The following DCHS2 variants were observed in gnomAD, a reference collection of about 807,000 sequenced individuals.
DCHS2 encodes protocadherin-23.
DCHS2 carries 142 observed loss-of-function variants against 182.4 expected under a neutral mutation model. That is an observed-to-expected ratio of 0.78 (90% CI 0.68 to 0.89). The LOEUF (loss-of-function observed/expected upper bound fraction) is 0.89. Ranked by LOEUF, DCHS2 falls within the 40% of genes least tolerant of loss-of-function variation. DCHS2 has a pLI of 0.00. For synonymous variants in DCHS2, 1,740 were observed against 1,663.3 expected, an observed-to-expected ratio of 1.05 and a Z score of -1.12; for missense variants, 4,319 against 4,198.6, an observed-to-expected ratio of 1.03 and a Z score of -0.79.
At chr4:154,322,289 A>T in intron 8 of DCHS2, 42 bp downstream of exon 8, 5 of 1,609,354 alleles carry the variant, frequency 3.1e-6, no homozygotes, top group Non-Finnish European at 3.4e-6. Flanking sequence ...AGTCAAATGA[A>T]ATCTTTAGAT....
intron 1 of DCHS2, among the ~76,000 whole-genome samples, chr4:154,461,351 C>T (rs73854785): frequency 0.011 from 1,633 of 152,152 alleles, 25 homozygotes; most frequent in South Asian, 0.072. Context: ...ATGGATATAG[C>T]TTTTTAAAAA....
At chr4:154,482,367 A>T (rs1188460294) in intron 1 of DCHS2, among the ~76,000 whole-genome samples, 1 of 152,196 alleles carries the variant, frequency 6.6e-6, no homozygotes, top group African/African-American at 2.4e-5. Context: ...CTTGACACTA[A>T]CAGATGAGAA....
At chr4:154,408,480 T>C (rs1732490101) in intron 1 of DCHS2, among the ~76,000 whole-genome samples, 1 of 152,230 alleles carries the variant, frequency 6.6e-6, no homozygotes, top group Non-Finnish European at 1.5e-5. Context: ...CATTATTTTG[T>C]ATATAACTTA....
chr4:154,382,804 C>T (rs1731232219), intron 1 of DCHS2, among the ~76,000 whole-genome samples: 1 of 152,098 alleles, frequency 6.6e-6, no homozygotes, highest in South Asian at 2.1e-4. Context: ...GAGATGTCAT[C>T]TTGCACCAGT....
At chr4:154,483,118 G>A (rs1259854089) in intron 1 of DCHS2, among the ~76,000 whole-genome samples, 1 of 152,162 alleles carries the variant, frequency 6.6e-6, no homozygotes, top group Admixed American at 6.5e-5. Context: ...GTGGGGCAGG[G>A]GGAGATATAG....
At chr4:154,448,080 C>T (rs1398690507) in intron 1 of DCHS2, among the ~76,000 whole-genome samples, 1 of 152,132 alleles carries the variant, frequency 6.6e-6, no homozygotes, top group African/African-American at 2.4e-5. Context: ...AGTTCCTTGC[C>T]TTGTCCTCAG....
intron 2 of DCHS2, among the ~76,000 whole-genome samples, chr4:154,370,798 A>G (rs1429928067): frequency 6.6e-6 from 1 of 152,172 alleles, no homozygotes; most frequent in East Asian, 1.9e-4. Context: ...AGTGCAGAAA[A>G]TGCAGCGTCA....
At chr4:154,337,929 C>A (rs1392277438) in intron 3 of DCHS2, among the ~76,000 whole-genome samples, 3 of 151,968 alleles carry the variant, frequency 2.0e-5, no homozygotes, top group Admixed American at 6.6e-5. Flanking sequence ...TTAGTAGAGC[C>A]AGGGTTTCAC....
At position 154,235,665 on chromosome 4, in the gene DCHS2, ATT is replaced by A. The variant is rs1330763819; in HGVS notation, c.8985_8986del (p.Ile2996GlnfsTer24). 6.8e-6 allele frequency: 11 copies of A among 1,613,838 alleles called. No individual in the cohort carries two copies. Among genetic ancestry groups the A allele is most frequent in the African/African-American group, 1.3e-5 (1 of 74,912 alleles). On this transcript the variant is annotated frameshift_variant, in exon 20 of 20. Transcript: ENST00000357232. LOFTEE classifies it low-confidence loss of function (END_TRUNC). ...CACTAAAAAGGAGACCACCAGGCTG[ATT>A]GAAAAGCTGCTGGCGAACACTGCCA...
In DCHS2 at chr4:154,335,026, C is replaced by T. The variant is rs1351599588; in HGVS notation, c.2555G>A (p.Gly852Asp). Residue 852 changes from glycine to aspartate, a missense_variant, in exon 4 of 20, where the codon GGT (glycine) becomes GAT (aspartate). Transcript: ENST00000357232. ...LSLMVSAQDG[G>D]GLTAVINADV... ...GGCATTAATGACAGCTGTGAGCCCA[C>T]CACCGTCTTGAGCAGAGACCATCAA... 1 of 1,614,000 alleles carries T rather than the reference C, an allele frequency of 6.2e-7. No homozygotes were observed. Among genetic ancestry groups the T allele is most frequent in the South Asian group, 1.1e-5 (1 of 91,074 alleles).
chr4:154,394,618 G>A (rs905082607), intron 1 of DCHS2, among the ~76,000 whole-genome samples: 1 of 152,088 alleles, frequency 6.6e-6, no homozygotes, highest in African/African-American at 2.4e-5. Flanking sequence ...TCCTATCAGG[G>A]TTCTAGGTCC....
chr4:154,491,692 C>T lies in DCHS2; in HGVS notation c.-337G>A. ...TTGTTCTACTCGGCTGGTTGTTCCCCCCTGGTAAAGTCAGGTGCATTATTT... is the reference window on the plus strand; with the variant it reads ...TTGTTCTACTCGGCTGGTTGTTCCCTCCTGGTAAAGTCAGGTGCATTATTT... On this transcript the variant is annotated 5_prime_UTR_variant, in exon 1 of 20. Coordinates refer to ENST00000357232, the MANE Select transcript of DCHS2 (RefSeq NM_001358235.2). The T allele has an allele frequency of 1.8e-6, 2 of 1,136,934 alleles. No homozygotes were observed. Among genetic ancestry groups the T allele is most frequent in the Non-Finnish European group, 2.2e-6 (2 of 928,886 alleles). The allele number at this position is 1,136,934 out of a possible 1,614,324, so 70.4% of individuals were successfully genotyped here. A position where few individuals can be genotyped will look rare whatever the true frequency, so the allele number is the denominator to read the frequency against.
At position 154,320,583 on chromosome 4, in the gene DCHS2, C is replaced by G. The variant is rs79535970; in HGVS notation, c.4816G>C (p.Ala1606Pro). Reference protein sequence around the residue: ...VTDRRLRSLTAQIVILDVNDH... With the variant: ...VTDRRLRSLTPQIVILDVNDH... ...TTTACATCCAAAATCACTATTTGTG[C>G]TGTCAGTGATCTCAGTCGCCGGTCT... The change falls in exon 9 of 20, where the codon GCA becomes CCA. Residue 1606 changes from alanine (A) to proline (P), a missense_variant. Transcript: ENST00000357232. 6.2e-7 allele frequency: 1 copy of G among 1,614,082 alleles called. No individual in the cohort carries two copies. The highest frequency in any genetic ancestry group is 2.2e-5 in the East Asian group (1 of 44,876).
intron 3 of DCHS2, among the ~76,000 whole-genome samples, chr4:154,365,681 T>C (rs2110769335): frequency 1.3e-5 from 2 of 150,978 alleles, no homozygotes; most frequent in Middle Eastern, 3.4e-3. Flanking sequence ...AGACGGAGTC[T>C]CTCTGTCACC....
intron 16 of DCHS2, among the ~76,000 whole-genome samples, chr4:154,244,329 G>T (rs1052764266): frequency 4.6e-5 from 7 of 152,166 alleles, no homozygotes; most frequent in Admixed American, 1.3e-4. Context: ...GGAAACCTGT[G>T]CTTCATGATA....
chr4:154,451,722 A>C (rs565500242), intron 1 of DCHS2, among the ~76,000 whole-genome samples: 76 of 151,626 alleles, frequency 5.0e-4, no homozygotes, highest in Non-Finnish European at 9.8e-4. Context: ...AACTTCAAAT[A>C]CTGCTTCTGG....
In DCHS2 at chr4:154,297,946, G is replaced by A. The variant is rs764516666; in HGVS notation, c.6368C>T (p.Thr2123Met). The A allele has an allele frequency of 2.8e-5, 45 of 1,613,978 alleles. No homozygotes were observed. The highest frequency in any genetic ancestry group is 4.4e-5 in the South Asian group (4 of 91,086). Residue 2123 changes from threonine to methionine, a missense_variant, in exon 13 of 20, where the codon ACG becomes ATG. Coordinates refer to ENST00000357232, the MANE Select transcript of DCHS2 (RefSeq NM_001358235.2). ...TTCCATGTGAATGACCAAGAGACCCGTGGTTGTCCTGGCTGGAATGCCCTG... is the reference window on the plus strand; with the variant it reads ...TTCCATGTGAATGACCAAGAGACCCATGGTTGTCCTGGCTGGAATGCCCTG... ...TDQGIPARTT[T>M]GLLVIHMEGE...
At chr4:154,445,937 C>A (rs761685542) in intron 1 of DCHS2, among the ~76,000 whole-genome samples, 1 of 151,998 alleles carries the variant, frequency 6.6e-6, no homozygotes, top group Non-Finnish European at 1.5e-5. Flanking sequence ...TTTGTCTACC[C>A]CTGAAAAATG....
In DCHS2 at chr4:154,366,268, C is replaced by T; in HGVS notation, c.2418G>A (p.Val806=). ...CGTTTCCTGGAATAAGCTCATAAGC[C>T]ACTGTCCCATATATCCCAGAGTCCT... The part of the protein sequence containing the change: ...TDQDSGIYGT[V]AYELIPGNVS... The change falls in exon 3 of 20, where the codon GTG becomes GTA. Residue 806 remains valine (V), a synonymous_variant. Transcript: ENST00000357232. 6.2e-7 allele frequency: 1 copy of T among 1,613,732 alleles called. No individual in the cohort carries two copies. The highest frequency in any genetic ancestry group is 8.5e-7 in the Non-Finnish European group (1 of 1,179,928).
Sources: gnomAD v4.1 joint callset for allele counts (sites outside exome capture counted in the v4.1 genomes callset) on GRCh38, gnomAD v4.1.1 for gene constraint, MANE v1.5 for transcripts, NCBI Gene and HGNC (gene_info 2026-07-23, HGNC 2026-07-21) for gene names.